The following RASGRP3 variants were observed in gnomAD, a reference collection of about 807,000 sequenced individuals.
RASGRP3 encodes the protein RAS guanyl releasing protein 3.
In RASGRP3, 54 loss-of-function variants were observed where a neutral mutation model predicts 82.7. The observed-to-expected ratio is 0.65, with a 90% CI of 0.52 to 0.82. The LOEUF is 0.82. Among genes scored for constraint, RASGRP3 ranks in the 40% least tolerant of loss-of-function variants. RASGRP3 has a pLI of 0.00. For missense variants in RASGRP3, 861 were observed against 828.9 expected (o/e 1.04, Z -0.48); for synonymous variants, 309 against 300.5 (o/e 1.03, Z -0.29).
At chr2:33,475,254 G>A (rs1291475328), upstream of RASGRP3, among the ~76,000 whole-genome samples, 8 of 152,104 alleles carry the variant, frequency 5.3e-5, no homozygotes, top group African/African-American at 1.4e-4. Context: ...TTTGCTCTTC[G>A]GACTCTCACA....
chr2:33,530,413 A>G (rs1672999931), intron 10 of RASGRP3, among the ~76,000 whole-genome samples: 1 of 151,696 alleles, frequency 6.6e-6, no homozygotes, highest in African/African-American at 2.4e-5. Context: ...CACTTTTCAC[A>G]TACGTTTCCT....
At chr2:33,471,182 A>G (rs540429873) in intron 2 of RASGRP3, among the ~76,000 whole-genome samples, 225 of 150,970 alleles carry the variant, frequency 1.5e-3, no homozygotes, top group Non-Finnish European at 2.5e-3. Context: ...ATTTTTCAAG[A>G]TTATTGTGGC....
At chr2:33,542,807 C>T in intron 12 of RASGRP3, among the ~76,000 whole-genome samples, 1 of 118,662 alleles carries the variant, frequency 8.4e-6, no homozygotes, top group South Asian at 2.6e-4. Context: ...CCTCAGCCCC[C>T]TGAGTAGCTG....
chr2:33,440,808 C>T (rs1240483145), intron 1 of RASGRP3, among the ~76,000 whole-genome samples: 1 of 152,092 alleles, frequency 6.6e-6, no homozygotes, highest in African/African-American at 2.4e-5. Context: ...GTGGCTAAAA[C>T]ATACTTATTT....
At chr2:33,501,426 C>G (rs1376719280) in intron 1 of RASGRP3, among the ~76,000 whole-genome samples, 1 of 152,160 alleles carries the variant, frequency 6.6e-6, no homozygotes, top group African/African-American at 2.4e-5. Context: ...AATGAATTTG[C>G]TAGATCATAT....
intron 1 of RASGRP3, among the ~76,000 whole-genome samples, chr2:33,509,388 C>A (rs190874584): frequency 3.5e-4 from 52 of 149,510 alleles, no homozygotes; most frequent in Non-Finnish European, 3.9e-4. Flanking sequence ...GGCAACAGAG[C>A]AAGACCATCT....
At chr2:33,453,127 T>G (rs1255130912) in intron 2 of RASGRP3, among the ~76,000 whole-genome samples, 1 of 152,198 alleles carries the variant, frequency 6.6e-6, no homozygotes, top group African/African-American at 2.4e-5. Context: ...ATTTCTGTAC[T>G]GGGGTAGGCA....
At chr2:33,534,957 ATCT>A (rs1371137229) in intron 11 of RASGRP3, among the ~76,000 whole-genome samples, 5 of 152,058 alleles carry the variant, frequency 3.3e-5, no homozygotes, top group Admixed American at 3.3e-4. Context: ...TTTATAATTG[ATCT>A]TCTATTTGTT....
chr2:33,537,526 T>A (rs1246929503), intron 11 of RASGRP3, among the ~76,000 whole-genome samples: 1 of 151,938 alleles, frequency 6.6e-6, no homozygotes, highest in Non-Finnish European at 1.5e-5. Context: ...ATCCGGCTAA[T>A]TTTTTTCTAT....
intron 7 of RASGRP3, 21 bp from the exon 8 acceptor site, chr2:33,523,858 C>T (rs1446535679): frequency 1.3e-6 from 2 of 1,590,376 alleles, no homozygotes; most frequent in Non-Finnish European, 1.7e-6. Flanking sequence ...AATTCAGAGT[C>T]TCTGAATCTT....
intron 15 of RASGRP3, among the ~76,000 whole-genome samples, chr2:33,556,271 C>T (rs569887910): frequency 0.024 from 1,181 of 49,010 alleles, 186 homozygotes; most frequent in African/African-American, 0.16. Flanking sequence ...GACGGAGTCT[C>T]GCTCTGTCGC....
At chr2:33,492,158 T>C (rs1458766899) in intron 1 of RASGRP3, among the ~76,000 whole-genome samples, 3 of 152,214 alleles carry the variant, frequency 2.0e-5, no homozygotes, top group Non-Finnish European at 4.4e-5. Context: ...TTCCTCTCCT[T>C]TTGCATTGGG....
chr2:33,466,649 C>A (rs13406014), intron 2 of RASGRP3, among the ~76,000 whole-genome samples: 24,575 of 148,528 alleles, frequency 0.17, 2,180 homozygotes, highest in South Asian at 0.3. Flanking sequence ...ATTGCGCTGC[C>A]GTGTGGGCAA....
intron 2 of RASGRP3, among the ~76,000 whole-genome samples, chr2:33,470,630 C>T (rs373757133): frequency 3.7e-4 from 57 of 152,222 alleles, no homozygotes; most frequent in African/African-American, 1.2e-3. Flanking sequence ...CCACCCTCCT[C>T]GGCCTCCCAA....
chr2:33,555,424 T>A (rs1675841464), intron 14 of RASGRP3, 107 bp from the exon 15 acceptor site: 2 of 883,144 alleles, frequency 2.3e-6, no homozygotes. Context: ...ACATCCTGTT[T>A]GTGCCTGGCC....
At chr2:33,499,282 TTGGCCAGGTGCGG>T (rs1243503116) in intron 1 of RASGRP3, among the ~76,000 whole-genome samples, 1 of 152,118 alleles carries the variant, frequency 6.6e-6, no homozygotes, top group Non-Finnish European at 1.5e-5. Context: ...ACCCCAGTTT[TTGGCCAGGTGCGG>T]TGGCTTAATC....
At position 33,479,481 on chromosome 2, in the gene RASGRP3, G is replaced by A. The variant is rs557095173; in HGVS notation, c.-261+2774G>A. Among the ~76,000 whole-genome samples, 4 of 152,202 alleles carry A rather than the reference G, an allele frequency of 2.6e-5. No individual in the cohort carries two copies. The East Asian group carries it at 5.8e-4, about 22-fold the overall frequency. On this transcript the variant is annotated intron_variant, in intron 1 of 17. Coordinates refer to ENST00000403687, the MANE Select transcript of RASGRP3 (RefSeq NM_001139488.2). ...AGCTATTATCAGACCCATCCCCTTT[G>A]CTCAGCCTGGAAGGTTGGTTGTCCG...
At chr2:33,541,678 T>C (rs553422058) in intron 12 of RASGRP3, among the ~76,000 whole-genome samples, 2 of 147,596 alleles carry the variant, frequency 1.4e-5, no homozygotes, top group Non-Finnish European at 3.0e-5. Context: ...GTATTTTTAT[T>C]TGGTGATTGC....
At chr2:33,455,620 G>A (rs920011598) in intron 2 of RASGRP3, among the ~76,000 whole-genome samples, 2 of 152,232 alleles carry the variant, frequency 1.3e-5, no homozygotes, top group Non-Finnish European at 2.9e-5. Context: ...CAGACCGCCC[G>A]AGGAGCCATG....
Sources: allele counts gnomAD v4.1 joint callset (sites outside exome capture counted in the v4.1 genomes callset), GRCh38; gene constraint gnomAD v4.1.1; transcripts MANE v1.5; gene names NCBI Gene and HGNC (gene_info 2026-07-23, HGNC 2026-07-21).